The following ANK1 variants were observed in gnomAD, a reference collection of about 807,000 sequenced individuals.
ANK1 encodes the protein ankyrin-1.
Under a neutral mutation model 210.4 loss-of-function variants are expected in ANK1, and 51 were observed. That is an observed-to-expected ratio of 0.24 (90% CI 0.19 to 0.31). ANK1 has a LOEUF of 0.31. Among genes scored for constraint, ANK1 ranks in the 10% least tolerant of loss-of-function variants. The pLI, the probability that ANK1 is intolerant of heterozygous loss-of-function variation, is 1.00. For missense variants in ANK1, 2,051 were observed against 2,504.4 expected, an observed-to-expected ratio of 0.82 and a Z score of 3.86; for synonymous variants, 967 against 1,025.9, an observed-to-expected ratio of 0.94 and a Z score of 1.10.
chr8:41,774,949 A>G (rs890552731), intron 1 of ANK1, among the ~76,000 whole-genome samples: 1 of 152,266 alleles, frequency 6.6e-6, no homozygotes, highest in Non-Finnish European at 1.5e-5. Context: ...TCCAAACATT[A>G]GGGAAACCTT....
chr8:41,690,315 G>A lies in ANK1; in HGVS notation c.4016C>T (p.Ser1339Phe). The change falls in exon 33 of 43, where the codon TCC becomes TTC. Residue 1339 changes from serine (S) to phenylalanine (F), a missense_variant. Coordinates refer to ENST00000289734, the MANE Select transcript of ANK1 (RefSeq NM_000037.4). ...VRDSSREPGG[S>F]LSFLRKAMKY... ...CATCGCCTTGCGCAGAAACGACAGG[G>A]ACCCTCCCGGCTCTCGACTGCTGTC... 4 of 1,614,236 alleles carry A rather than the reference G, an allele frequency of 2.5e-6. No individual in the cohort carries two copies. The highest frequency in any genetic ancestry group is 3.4e-6 in the Non-Finnish European group (4 of 1,180,048).
At chr8:41,883,826 T>C (rs1444518898) in intron 1 of ANK1, among the ~76,000 whole-genome samples, 1 of 152,128 alleles carries the variant, frequency 6.6e-6, no homozygotes, top group African/African-American at 2.4e-5. Flanking sequence ...AGCCTCTGTG[T>C]CCAAAGCTAC....
intron 37 of ANK1, among the ~76,000 whole-genome samples, chr8:41,679,817 GCCTC>G (rs1815406266): frequency 6.6e-6 from 1 of 151,698 alleles, no homozygotes; most frequent in South Asian, 2.1e-4. Context: ...GCCCACCTCG[GCCTC>G]CCAAAGTGCT....
intron 2 of ANK1, among the ~76,000 whole-genome samples, chr8:41,752,828 G>A (rs555466): frequency 0.33 from 47,215 of 143,748 alleles, 8,115 homozygotes; most frequent in East Asian, 0.66. Flanking sequence ...TGGGCCCTCC[G>A]CCTGTTTTCC....
chr8:41,858,597 C>T (rs547051648), intron 1 of ANK1, among the ~76,000 whole-genome samples: 2 of 152,284 alleles, frequency 1.3e-5, no homozygotes, highest in African/African-American at 4.8e-5. Context: ...CGCAGGGAGC[C>T]CACAGAGGGC....
intron 1 of ANK1, among the ~76,000 whole-genome samples, chr8:41,818,022 C>T (rs1268553224): frequency 1.3e-5 from 2 of 152,246 alleles, no homozygotes; most frequent in Non-Finnish European, 2.9e-5. Flanking sequence ...TTTGGATGGC[C>T]ACCTGCACAT....
At chr8:41,834,856 C>G (rs1293757528) in intron 1 of ANK1, among the ~76,000 whole-genome samples, 1 of 152,230 alleles carries the variant, frequency 6.6e-6, no homozygotes, top group Non-Finnish European at 1.5e-5. Flanking sequence ...CTGTTGAGGA[C>G]AGAACTCAGC....
At chr8:41,891,136 CA>C in intron 1 of ANK1, among the ~76,000 whole-genome samples, 1 of 152,120 alleles carries the variant, frequency 6.6e-6, no homozygotes, top group East Asian at 1.9e-4. Context: ...AGGAAGGAAT[CA>C]ATAACAGGAT....
chr8:41,810,249 T>TCCC (rs1269996782), intron 1 of ANK1, among the ~76,000 whole-genome samples: 2 of 152,232 alleles, frequency 1.3e-5, no homozygotes, highest in Non-Finnish European at 2.9e-5. Context: ...ATTTCCTAAA[T>TCCC]CCAGGTGGCG....
chr8:41,872,242 C>T (rs10091570), intron 1 of ANK1, among the ~76,000 whole-genome samples: 1,744 of 152,302 alleles, frequency 0.011, 34 homozygotes, highest in African/African-American at 0.04. Context: ...TAACTACAGC[C>T]GAAGAGCAGC....
chr8:41,764,396 A>C (rs1450788567), intron 1 of ANK1, among the ~76,000 whole-genome samples: 1 of 152,164 alleles, frequency 6.6e-6, no homozygotes, highest in African/African-American at 2.4e-5. Flanking sequence ...GTGTCCAAAG[A>C]ATCCAATGTG....
At chr8:41,840,492 C>A (rs1587350789) in intron 1 of ANK1, among the ~76,000 whole-genome samples, 1 of 152,218 alleles carries the variant, frequency 6.6e-6, no homozygotes, top group Admixed American at 6.5e-5. Context: ...AGACAACAAA[C>A]CTTTATTCCT....
intron 2 of ANK1, among the ~76,000 whole-genome samples, chr8:41,751,796 G>A (rs1332863710): frequency 1.3e-5 from 2 of 152,000 alleles, no homozygotes; most frequent in African/African-American, 4.8e-5. Flanking sequence ...CAGCAGCGAG[G>A]GCAATTGTTT....
At chr8:41,761,953 T>G (rs966512893) in intron 1 of ANK1, among the ~76,000 whole-genome samples, 1 of 150,498 alleles carries the variant, frequency 6.6e-6, no homozygotes, top group African/African-American at 2.4e-5. Flanking sequence ...CCTCCATCCC[T>G]GCCTCACCCA....
chr8:41,688,665 C>T, intron 33 of ANK1, 76 bp from the exon 34 acceptor site: 1 of 1,366,986 alleles, frequency 7.3e-7, no homozygotes, highest in Non-Finnish European at 1.0e-6. Flanking sequence ...AGCTCCTATG[C>T]TGCAGGGGTG....
chr8:41,779,521 T>A (rs1388167042), intron 1 of ANK1, among the ~76,000 whole-genome samples: 2 of 152,042 alleles, frequency 1.3e-5, no homozygotes, highest in Non-Finnish European at 2.9e-5. Flanking sequence ...CCCAAACTGC[T>A]GGGATTACAG....
chr8:41,891,314 A>G lies in ANK1; in HGVS notation c.126+5041T>C, dbSNP rs1819415677. Among the ~76,000 whole-genome samples, 2 of 151,578 alleles carry G rather than the reference A, an allele frequency of 1.3e-5. 1 individual carries two copies. The highest frequency in any genetic ancestry group is 4.1e-4 in the South Asian group (2 of 4,822). On this transcript the variant is annotated intron_variant, in intron 1 of 42. Transcript: ENST00000265709. ...TTTTTTTAAGTGTTGCCACATTGAG[A>G]GGAGAGGAGCAGAACTGGTGAGCCA... is the stretch of plus-strand genomic sequence containing the variant.
At chr8:41,658,003 T>G (rs985009844) in intron 42 of ANK1, among the ~76,000 whole-genome samples, 8 of 152,174 alleles carry the variant, frequency 5.3e-5, no homozygotes, top group Non-Finnish European at 1.0e-4. Context: ...CACCTCAGTT[T>G]CCCAAGAAAC....
chr8:41,688,463 C>T lies in ANK1; in HGVS notation c.4183+48G>A, dbSNP rs755056971. 8.1e-6 allele frequency: 13 copies of T among 1,598,190 alleles called. No homozygotes were observed. The East Asian group carries it at 2.7e-4, about 33-fold the overall frequency. On this transcript the variant is annotated intron_variant, in intron 34 of 42. Transcript: ENST00000289734. ...CTGCGGGGAGATGAGCTCACGCCCACCCTTCTTGGGAAGGGAGCAAGCATG... is the reference window on the plus strand; with the variant it reads ...CTGCGGGGAGATGAGCTCACGCCCATCCTTCTTGGGAAGGGAGCAAGCATG...
Sources: gnomAD v4.1 joint callset for allele counts (sites outside exome capture counted in the v4.1 genomes callset) on GRCh38, gnomAD v4.1.1 for gene constraint, MANE v1.5 for transcripts, NCBI Gene and HGNC (gene_info 2026-07-23, HGNC 2026-07-21) for gene names.